Variants in CSMD1 observed in about 807,000 individuals in gnomAD.
CSMD1 encodes the protein CUB and Sushi multiple domains 1, also known as CUB and sushi domain-containing protein 1.
In CSMD1, 213 loss-of-function variants were observed where a neutral mutation model predicts 417.5. The ratio of observed to expected loss-of-function variants is 0.51; its 90% CI spans 0.46 to 0.57. The LOEUF is 0.57. Ranked by LOEUF, CSMD1 falls within the 20% of genes least tolerant of loss-of-function variation. The pLI is 0.00. For synonymous variants in CSMD1, 2,862 were observed against 1,736.8 expected, an observed-to-expected ratio of 1.65 and a Z score of -16.11; for missense variants, 6,923 against 4,529.7, an observed-to-expected ratio of 1.53 and a Z score of -15.17.
At chr8:4,086,501 T>G (rs1476545333) in intron 3 of CSMD1, among the ~76,000 whole-genome samples, 2 of 152,180 alleles carry the variant, frequency 1.3e-5, no homozygotes, top group Non-Finnish European at 2.9e-5. Context: ...GAATTCTAAC[T>G]CATTACAAAA....
intron 3 of CSMD1, among the ~76,000 whole-genome samples, chr8:4,037,681 G>T (rs1465862280): frequency 2.0e-5 from 3 of 152,066 alleles, no homozygotes; most frequent in Non-Finnish European, 4.4e-5. Flanking sequence ...GATTTTAAAG[G>T]GGAAGGTGTG....
At chr8:4,156,459 ACT>A (rs564024500) in intron 3 of CSMD1, among the ~76,000 whole-genome samples, 2 of 151,960 alleles carry the variant, frequency 1.3e-5, no homozygotes, top group African/African-American at 2.4e-5. Context: ...ATTGGTGCTA[ACT>A]CTTTTATTGA....
In CSMD1 at chr8:3,292,283, C is replaced by G. The variant is rs1048500574; in HGVS notation, c.3951-7937G>C. Among the ~76,000 whole-genome samples, 18 of 152,192 alleles carry G rather than the reference C, an allele frequency of 1.2e-4. No individual in the cohort carries two copies. The East Asian group carries it at 2.7e-3, about 23-fold the overall frequency. ...GTTTTGGAGTAGGTGTGGTGTGGTGCTGAAAAGAATGTATATTTTGTTGAT... is the reference window on the plus strand; with the variant it reads ...GTTTTGGAGTAGGTGTGGTGTGGTGGTGAAAAGAATGTATATTTTGTTGAT... On this transcript the variant is annotated intron_variant, in intron 25 of 69. Coordinates refer to ENST00000635120, the MANE Select transcript of CSMD1 (RefSeq NM_033225.6).
chr8:3,935,265 A>T (rs1199752500), intron 5 of CSMD1, among the ~76,000 whole-genome samples: 1 of 152,234 alleles, frequency 6.6e-6, no homozygotes, highest in Non-Finnish European at 1.5e-5. Flanking sequence ...ATTATATGAA[A>T]GAATTTTCAT....
intron 1 of CSMD1, among the ~76,000 whole-genome samples, chr8:4,661,661 C>T (rs1361513574): frequency 6.6e-6 from 1 of 152,116 alleles, no homozygotes; most frequent in Non-Finnish European, 1.5e-5. Context: ...TACAAGATAT[C>T]TCTCCGTATT....
At chr8:4,273,873 C>A (rs1041228209) in intron 3 of CSMD1, among the ~76,000 whole-genome samples, 5 of 152,152 alleles carry the variant, frequency 3.3e-5, no homozygotes, top group Non-Finnish European at 7.4e-5. Flanking sequence ...CTGTGCTTAA[C>A]ATGGTGTTAA....
chr8:4,001,884 G>A (rs936556471), intron 4 of CSMD1, among the ~76,000 whole-genome samples: 1 of 150,688 alleles, frequency 6.6e-6, no homozygotes, highest in Non-Finnish European at 1.5e-5. Flanking sequence ...AAACAATTAA[G>A]GTAGCACAGA....
intron 26 of CSMD1, among the ~76,000 whole-genome samples, chr8:3,234,403 A>G (rs767859667): frequency 6.6e-6 from 1 of 152,186 alleles, no homozygotes; most frequent in Non-Finnish European, 1.5e-5. Context: ...TTTCTGAGAC[A>G]TCATTCTTCT....
rs1584915896 is a variant in CSMD1 at position 3,277,839 on chromosome 8, A to C, written c.4153+6305T>G. On this transcript the variant is annotated intron_variant, in intron 26 of 69. Transcript: ENST00000635120. ...GGGATTGGGGGGATGAATTATGTCC[A>C]AGGGTTACATTAAACCACATGGAAT... Among the ~76,000 whole-genome samples the C allele has an allele frequency of 1.9e-4, 29 of 152,316 alleles. No individual in the cohort carries two copies. In the South Asian group the frequency reaches 6.0e-3, roughly 32 times the overall value.
intron 26 of CSMD1, among the ~76,000 whole-genome samples, chr8:3,254,644 T>TTCTTC (rs1168884876): frequency 6.6e-6 from 1 of 152,190 alleles, no homozygotes; most frequent in Non-Finnish European, 1.5e-5. Flanking sequence ...CTGATACCCT[T>TTCTTC]TCTTCTAGTT....
chr8:3,482,990 G>C (rs1012900082), intron 11 of CSMD1, among the ~76,000 whole-genome samples: 1 of 151,894 alleles, frequency 6.6e-6, no homozygotes, highest in African/African-American at 2.4e-5. Context: ...AGTGCCAAGA[G>C]GAAAATTTAT....
intron 3 of CSMD1, among the ~76,000 whole-genome samples, chr8:4,208,140 A>C (rs1800091842): frequency 6.6e-6 from 1 of 152,140 alleles, no homozygotes; most frequent in Non-Finnish European, 1.5e-5. Flanking sequence ...TCTTAATAAA[A>C]CATATCCAAA....
At chr8:4,714,536 T>A (rs914155293) in intron 1 of CSMD1, among the ~76,000 whole-genome samples, 3 of 152,138 alleles carry the variant, frequency 2.0e-5, no homozygotes, top group African/African-American at 7.2e-5. Flanking sequence ...ACATAACAGA[T>A]AGAGAAGGCC....
chr8:4,269,572 A>C (rs965984737), intron 3 of CSMD1, among the ~76,000 whole-genome samples: 7 of 152,102 alleles, frequency 4.6e-5, no homozygotes, highest in African/African-American at 1.4e-4. Context: ...CTTTTTCTCC[A>C]ATCTTTTGAA....
At chr8:3,957,967 AT>A (rs1465853620) in intron 5 of CSMD1, among the ~76,000 whole-genome samples, 1 of 152,118 alleles carries the variant, frequency 6.6e-6, no homozygotes, top group Admixed American at 6.6e-5. Context: ...ATTTGAAAAT[AT>A]TTTTACTTTC....
chr8:4,026,654 A>G (rs1217710711), intron 4 of CSMD1, among the ~76,000 whole-genome samples: 1 of 152,260 alleles, frequency 6.6e-6, no homozygotes, highest in Non-Finnish European at 1.5e-5. Flanking sequence ...AGCTAACACC[A>G]TTAAGATATT....
intron 3 of CSMD1, among the ~76,000 whole-genome samples, chr8:4,409,339 C>G (rs148048466): frequency 4.5e-4 from 68 of 152,252 alleles, no homozygotes; most frequent in Non-Finnish European, 8.4e-4. Context: ...CTATGTCATT[C>G]TCTCACATCT....
chr8:3,186,520 T>C (rs566533569), intron 36 of CSMD1, among the ~76,000 whole-genome samples: 2 of 152,340 alleles, frequency 1.3e-5, no homozygotes, highest in East Asian at 3.9e-4. Context: ...TTTTATTTGC[T>C]GAGAACCAGA....
At chr8:4,604,469 T>C (rs1800765750) in intron 2 of CSMD1, among the ~76,000 whole-genome samples, 1 of 151,488 alleles carries the variant, frequency 6.6e-6, no homozygotes, top group Non-Finnish European at 1.5e-5. Context: ...GTTCATGAAT[T>C]TGTCCCGCTT....
Sources: gnomAD v4.1 joint callset for allele counts (sites outside exome capture counted in the v4.1 genomes callset) on GRCh38, gnomAD v4.1.1 for gene constraint, MANE v1.5 for transcripts, NCBI Gene and HGNC (gene_info 2026-07-23, HGNC 2026-07-21) for gene names.